The following ESPL1 variants were observed in gnomAD, a reference collection of about 807,000 sequenced individuals.
The protein encoded by ESPL1 is separin.
Under a neutral mutation model 217.2 loss-of-function variants are expected in ESPL1, and 50 were observed. That is an observed-to-expected ratio of 0.23 (90% CI 0.18 to 0.29). The LOEUF (loss-of-function observed/expected upper bound fraction) is 0.29. Ranked by LOEUF, ESPL1 falls within the 10% of genes least tolerant of loss-of-function variation. The pLI is 1.00. For synonymous variants in ESPL1, 994 were observed against 1,081.3 expected (o/e 0.92, Z 1.58); for missense variants, 1,834 against 2,603.0 (o/e 0.70, Z 6.43).
chr12:53,291,769 A>G lies in ESPL1; in HGVS notation c.5600A>G (p.Glu1867Gly). The change falls in exon 26 of 31, where the codon GAG (glutamate) becomes GGG (glycine). Residue 1867 changes from glutamate (E) to glycine (G), a missense_variant. By Grantham distance (98) the Glu-to-Gly change is moderately conservative (BLOSUM62 -2). This residue lies in a region of ESPL1 where 295 missense variants were observed against 519.8 expected (regional missense o/e 0.57). Coordinates refer to ENST00000257934, the MANE Select transcript of ESPL1 (RefSeq NM_012291.5). ...TACGGGCTGTGCCCAACCCAGCCAG[A>G]GCGAGCCCAGGAGCTCCTGAATGAG... ...LAYGLCPTQP[E>G]RAQELLNEAV... The G allele has an allele frequency of 6.2e-7, 1 of 1,612,800 alleles. No individual in the cohort carries two copies. The highest frequency in any genetic ancestry group is 1.3e-5 in the African/African-American group (1 of 74,976).
intron 5 of ESPL1, among the ~76,000 whole-genome samples, chr12:53,271,114 TTTC>T (rs1180166701): frequency 6.6e-6 from 1 of 151,730 alleles, no homozygotes; most frequent in Admixed American, 6.6e-5. Flanking sequence ...TTTTTTTCCT[TTTC>T]TTCACTTATC....
Position 53,276,737 on chromosome 12 carries a change from C to T in ESPL1, c.1818C>T (p.Ile606=). ...ACACTGGACAGGAACGCTTCAACAT[C>T]ATCTGTGACCTCCTGGAGCTGAGCC... ...RADTGQERFN[I]ICDLLELSPE... Residue 606 remains isoleucine, a synonymous_variant, in exon 8 of 31, where the codon ATC becomes ATT. Transcript: ENST00000257934. 1 of 1,613,680 alleles carries T rather than the reference C, an allele frequency of 6.2e-7. No homozygotes were observed. The highest frequency in any genetic ancestry group is 8.5e-7 in the Non-Finnish European group (1 of 1,180,032).
Position 53,269,231 on chromosome 12 carries a change from C to T in ESPL1, c.289C>T (p.Leu97=), listed in dbSNP as rs1243621991. The part of the protein sequence containing the change: ...VSTPQRPPLY[L]ERILFVLLRN... Reference sequence around the variant, plus strand: ...TACCCCACAGCGTCCTCCCCTCTACCTGGAACGAATTCTCTTTGTCTTACT... The same window carrying T: ...TACCCCACAGCGTCCTCCCCTCTACTTGGAACGAATTCTCTTTGTCTTACT... The change falls in exon 3 of 31, where the codon CTG becomes TTG. Residue 97 remains leucine, a synonymous_variant. Transcript: ENST00000257934. This position sits in a 1 kb window ranked among gnomAD's most constrained non-coding sequence, Gnocchi z 6.7. 1 of 1,614,092 alleles carries T rather than the reference C, an allele frequency of 6.2e-7. No homozygotes were observed. The highest frequency in any genetic ancestry group is 8.5e-7 in the Non-Finnish European group (1 of 1,180,032).
chr12:53,280,861 C>T lies in ESPL1; in HGVS notation c.2500-646C>T, dbSNP rs1026378567. Among the ~76,000 whole-genome samples the T allele has an allele frequency of 2.0e-5, 3 of 151,594 alleles. No individual in the cohort carries two copies. The East Asian group carries it at 6.1e-4, about 31-fold the overall frequency. Reference sequence around the variant, plus strand: ...ATACAAAATTAGCCAGGTATGGTGGCGCATGCCCGTAATCCCAGCTACCTG... The same window carrying T: ...ATACAAAATTAGCCAGGTATGGTGGTGCATGCCCGTAATCCCAGCTACCTG... On this transcript the variant is annotated intron_variant, in intron 12 of 30. Transcript: ENST00000257934.
In ESPL1 at chr12:53,272,704, C is replaced by G; in HGVS notation, c.1370-17C>G. On this transcript the variant is annotated splice_polypyrimidine_tract_variant and intron_variant, in intron 5 of 30. Transcript: ENST00000257934. ...GGAGCCTTTCCTATGGTCAATTGTGCCTTTTCTCCCCTGCAGCTTCTTACA... is the reference window on the plus strand; with the variant it reads ...GGAGCCTTTCCTATGGTCAATTGTGGCTTTTCTCCCCTGCAGCTTCTTACA... The G allele has an allele frequency of 6.2e-7, 1 of 1,611,438 alleles. No individual in the cohort carries two copies.
At chr12:53,273,033 A>ATTT (rs1287601708) in intron 6 of ESPL1, among the ~76,000 whole-genome samples, 176 bp downstream of exon 6, 9 of 122,944 alleles carry the variant, frequency 7.3e-5, no homozygotes, top group East Asian at 2.3e-4. Context: ...CTGTTGACTC[A>ATTT]TTTTTTTTTT....
intron 6 of ESPL1, chr12:53,274,484 G>C (rs1246736330): frequency 4.4e-6 from 1 of 227,772 alleles, no homozygotes. Flanking sequence ...ACTGGCGGGA[G>C]GGAGAGCGAG....
Position 53,291,570 on chromosome 12 carries a change from G to A in ESPL1, c.5521-120G>A, listed in dbSNP as rs955207036. 4.6e-5 allele frequency: 51 copies of A among 1,120,552 alleles called. No homozygotes were observed. In the African/African-American group the frequency reaches 5.8e-4, roughly 13 times the overall value. 69.4% of individuals were successfully genotyped at this position (1,120,552 alleles called of 1,614,324 possible). A position where few individuals can be genotyped will look rare whatever the true frequency, so the allele number is the denominator to read the frequency against. On this transcript the variant is annotated intron_variant, in intron 25 of 30. Coordinates refer to ENST00000257934, the MANE Select transcript of ESPL1 (RefSeq NM_012291.5). The stretch of plus-strand genomic sequence containing the variant: ...TGCGCCACTGCACTCCAGCCTGGGC[G>A]ACAGAGCAAGACTCTGTCAAAAAAA...
chr12:53,288,927 G>T, intron 20 of ESPL1, 163 bp from the exon 21 acceptor site: 1 of 710,614 alleles, frequency 1.4e-6, no homozygotes. Context: ...ATAAGTTGAT[G>T]CCTGTTAGTT....
At chr12:53,271,418 G>A (rs11170495) in intron 5 of ESPL1, among the ~76,000 whole-genome samples, 100,525 of 151,814 alleles carry the variant, frequency 0.66, 33,879 homozygotes, top group East Asian at 0.95. Context: ...GATGATGTCT[G>A]GCCATATTGT....
Position 53,276,793 on chromosome 12 carries a change from G to A in ESPL1, c.1874G>A (p.Arg625Gln), listed in dbSNP as rs1461716647. The A allele has an allele frequency of 3.1e-6, 5 of 1,613,912 alleles. No homozygotes were observed. The highest frequency in any genetic ancestry group is 2.2e-5 in the South Asian group (2 of 91,086). Residue 625 changes from arginine (R) to glutamine (Q), a missense_variant, in exon 8 of 31, where the codon CGA becomes CAA. By Grantham distance (43) the Arg-to-Gln change is conservative (BLOSUM62 1). Around this residue, in one of 5 missense-constraint regions of ESPL1, gnomAD observed 746 missense variants for 1,077.0 expected, o/e 0.69. Transcript: ENST00000257934. ...GAGACACCAGCCGGGGCCTGGGCAC[G>A]AGCCACCCACCTGGTAGAACTGGCT... ...PEETPAGAWA[R>Q]ATHLVELAQV...
At chr12:53,273,912 G>A (rs1408698718) in intron 6 of ESPL1, among the ~76,000 whole-genome samples, 1 of 130,412 alleles carries the variant, frequency 7.7e-6, no homozygotes. Context: ...CTGGAGTGCA[G>A]TGGCACGATC....
At chr12:53,277,363 C>G (rs377193933) in intron 9 of ESPL1, 107 bp from the exon 10 acceptor site, 1 of 1,489,760 alleles carries the variant, frequency 6.7e-7, no homozygotes, top group East Asian at 2.3e-5. Context: ...CCAGGCTGGT[C>G]TTGAACTCCT....
At chr12:53,271,931 CA>C (rs1167843882) in intron 5 of ESPL1, among the ~76,000 whole-genome samples, 1 of 151,644 alleles carries the variant, frequency 6.6e-6, no homozygotes, top group Non-Finnish European at 1.5e-5. Context: ...ACTAAAAATA[CA>C]AAAAATTAGC....
chr12:53,276,542 C>T, intron 7 of ESPL1, 78 bp from the exon 8 acceptor site: 1 of 1,439,050 alleles, frequency 6.9e-7, no homozygotes, highest in Non-Finnish European at 9.2e-7. Flanking sequence ...AAGGCTGGGG[C>T]TCCTCAGCAT....
chr12:53,269,744 C>T lies in ESPL1; in HGVS notation c.802C>T (p.His268Tyr). 2 of 1,614,212 alleles carry T rather than the reference C, an allele frequency of 1.2e-6. No homozygotes were observed. Among genetic ancestry groups the T allele is most frequent in the Non-Finnish European group, 8.5e-7 (1 of 1,180,038 alleles). The part of the protein sequence containing the change: ...HCRRFCWSRH[H>Y]DKAISAVEKA... Reference sequence around the variant, plus strand: ...CCGTCGCTTTTGCTGGAGCCGCCACCATGACAAAGCCATCAGCGCAGTGGA... The same window carrying T: ...CCGTCGCTTTTGCTGGAGCCGCCACTATGACAAAGCCATCAGCGCAGTGGA... Residue 268 changes from histidine to tyrosine, a missense_variant, in exon 3 of 31, where the codon CAT becomes TAT. This residue lies in a region of ESPL1 where 746 missense variants were observed against 1,077.0 expected (regional missense o/e 0.69). Coordinates refer to ENST00000257934, the MANE Select transcript of ESPL1 (RefSeq NM_012291.5). The surrounding 1 kb of genome is among the most constrained non-coding windows in gnomAD (Gnocchi z 6.7).
chr12:53,272,820 T>C lies in ESPL1; in HGVS notation c.1469T>C (p.Val490Ala), dbSNP rs1231602439. 7 of 1,614,080 alleles carry C rather than the reference T, an allele frequency of 4.3e-6. No homozygotes were observed. Among genetic ancestry groups the C allele is most frequent in the Non-Finnish European group, 5.9e-6 (7 of 1,180,016 alleles). The change falls in exon 6 of 31, where the codon GTG (valine) becomes GCG (alanine). Residue 490 changes from valine (V) to alanine (A), a missense_variant. Coordinates refer to ENST00000257934, the MANE Select transcript of ESPL1 (RefSeq NM_012291.5). ...CCGCTCTGTCAGCACCTGGGTTTGG[T>C]GAAGCCAGGCACTTATCCCGAGGTG... ...SEPLCQHLGL[V>A]KPGTYPEVPP...
rs758387762 is a variant in ESPL1, at chr12:53,290,048, A to T, written c.5114-37A>T. 3 of 1,599,260 alleles carry T rather than the reference A, an allele frequency of 1.9e-6. No homozygotes were observed. The South Asian group carries it at 3.3e-5, about 18-fold the overall frequency. ...CCAAGACAGGGAAGGGAATTCCTTT[A>T]ACAGCTGAATGAGTCTGGCTGTATC... On this transcript the variant is annotated intron_variant, in intron 22 of 30. Coordinates refer to ENST00000257934, the MANE Select transcript of ESPL1 (RefSeq NM_012291.5).
In ESPL1 at chr12:53,276,802, A is replaced by T; in HGVS notation, c.1883A>T (p.His628Leu). 6.2e-7 allele frequency: 1 copy of T among 1,613,900 alleles called. No homozygotes were observed. The highest frequency in any genetic ancestry group is 1.3e-5 in the African/African-American group (1 of 75,054). The part of the protein sequence containing the change: ...TPAGAWARAT[H>L]LVELAQVLCY... ...GCCGGGGCCTGGGCACGAGCCACCC[A>T]CCTGGTAGAACTGGCTCAGGTGCTC... The change falls in exon 8 of 31, where the codon CAC (histidine) becomes CTC (leucine). Residue 628 changes from histidine (H) to leucine (L), a missense_variant. His to Leu is a moderately conservative substitution (Grantham distance 99). Coordinates refer to ENST00000257934, the MANE Select transcript of ESPL1 (RefSeq NM_012291.5).
Sources: allele counts gnomAD v4.1 joint callset (sites outside exome capture counted in the v4.1 genomes callset), GRCh38; gene constraint gnomAD v4.1.1; regional missense constraint gnomAD v4.1.1; non-coding constraint Gnocchi (gnomAD v3.1); transcripts MANE v1.5; gene names NCBI Gene and HGNC (gene_info 2026-07-23, HGNC 2026-07-21).